The following PLD1 variants were observed in gnomAD, a reference collection of about 807,000 sequenced individuals.
PLD1 encodes choline phosphatase 1.
In PLD1, 112 loss-of-function variants were observed where a neutral mutation model predicts 137.1. The observed-to-expected ratio is 0.82, with a 90% CI of 0.70 to 0.96. The LOEUF is 0.96. PLD1 is among the 40% of genes least tolerant of loss of function. The pLI is 0.00. For synonymous variants in PLD1, 431 were observed against 454.7 expected (o/e 0.95, Z 0.66); for missense variants, 1,321 against 1,342.0 (o/e 0.98, Z 0.24).
intron 6 of PLD1, among the ~76,000 whole-genome samples, chr3:171,730,248 A>T (rs1229577023): frequency 6.6e-6 from 1 of 152,150 alleles, no homozygotes; most frequent in Non-Finnish European, 1.5e-5. Context: ...CACAACTCAG[A>T]TATTGCTATT....
chr3:171,677,168 T>C (rs1268489440), intron 17 of PLD1, among the ~76,000 whole-genome samples: 1 of 152,224 alleles, frequency 6.6e-6, no homozygotes, highest in Non-Finnish European at 1.5e-5. Flanking sequence ...TGGCAGGCAA[T>C]GCCATCTCTA....
rs544261564 is a variant in PLD1, at chr3:171,707,801, T to C, written c.1145+954A>G. On this transcript the variant is annotated intron_variant, in intron 11 of 26. Coordinates refer to ENST00000351298, the MANE Select transcript of PLD1 (RefSeq NM_002662.5). ...CAGCCCCCTACAACAAAGAATTATC[T>C]AGCCCCAAATGTCAACAGGGCAAAG... Among the ~76,000 whole-genome samples, 3 of 152,334 alleles carry C rather than the reference T, an allele frequency of 2.0e-5. No homozygotes were observed. In the East Asian group the frequency reaches 5.8e-4, roughly 29 times the overall value.
chr3:171,752,709 ATGAAT>A (rs965536142), intron 1 of PLD1, among the ~76,000 whole-genome samples: 1 of 152,248 alleles, frequency 6.6e-6, no homozygotes, highest in African/African-American at 2.4e-5. Context: ...AATGAGGGAA[ATGAAT>A]TACATAACCA....
At chr3:171,763,706 G>A (rs1463116908) in intron 1 of PLD1, among the ~76,000 whole-genome samples, 2 of 151,828 alleles carry the variant, frequency 1.3e-5, no homozygotes, top group African/African-American at 2.4e-5. Flanking sequence ...TTATTCTTGG[G>A]TGTATGTATG....
At chr3:171,608,660 G>C (rs1732402982) in intron 25 of PLD1, among the ~76,000 whole-genome samples, 1 of 152,174 alleles carries the variant, frequency 6.6e-6, no homozygotes, top group African/African-American at 2.4e-5. Context: ...CTGCAGATAA[G>C]AGAGGCGAAG....
chr3:171,795,702 C>T (rs1040179025), intron 1 of PLD1, among the ~76,000 whole-genome samples: 4 of 152,212 alleles, frequency 2.6e-5, no homozygotes, highest in Non-Finnish European at 5.9e-5. Flanking sequence ...TACTCTTACC[C>T]ATTTCTTGTG....
intron 11 of PLD1, among the ~76,000 whole-genome samples, chr3:171,704,974 C>T (rs575269619): frequency 3.3e-5 from 5 of 152,156 alleles, no homozygotes; most frequent in Non-Finnish European, 7.3e-5. Flanking sequence ...CATGTTCCCA[C>T]GAGAATCTAA....
chr3:171,764,891 GAAAGGAAGGAAGGAAGGAAGGAA>G (rs1560288685), intron 1 of PLD1, among the ~76,000 whole-genome samples: 1,135 of 24,242 alleles, frequency 0.047, 136 homozygotes, highest in Non-Finnish European at 0.064. Context: ...AAGAAAGAAA[GAAAGGAAGGAAGGAAGGAAGGAA>G]AGAAAGAAAG....
chr3:171,735,523 C>T lies in PLD1; in HGVS notation c.403G>A (p.Ala135Thr), dbSNP rs1422007880. ...EFHRELLKYK[A>T]FIRIPIPTRR... Reference sequence around the variant, plus strand: ...GTGGGAATGGGGATGCGGATAAAGGCTTTGTACTTGAGCAGCTCTCTGTGA... The same window carrying T: ...GTGGGAATGGGGATGCGGATAAAGGTTTTGTACTTGAGCAGCTCTCTGTGA... The change falls in exon 4 of 27, where the codon GCC becomes ACC. Residue 135 changes from alanine (A) to threonine (T), a missense_variant. Transcript: ENST00000351298. 6.2e-7 allele frequency: 1 copy of T among 1,613,628 alleles called. No homozygotes were observed.
chr3:171,659,161 G>T, intron 21 of PLD1, 52 bp downstream of exon 21: 1 of 1,198,952 alleles, frequency 8.3e-7, no homozygotes, highest in Non-Finnish European at 1.2e-6. Flanking sequence ...AGTCATTTTA[G>T]TAATAAATAC....
intron 22 of PLD1, among the ~76,000 whole-genome samples, chr3:171,644,426 A>G (rs1354235144): frequency 6.6e-6 from 1 of 152,234 alleles, no homozygotes; most frequent in African/African-American, 2.4e-5. Context: ...ATTTTAACAA[A>G]GATGTGGTAG....
chr3:171,611,616 A>T, intron 25 of PLD1: 1 of 518,942 alleles, frequency 1.9e-6, no homozygotes, highest in Non-Finnish European at 3.8e-6. Flanking sequence ...GATCTTCGAC[A>T]CCTGGAGTCA....
At chr3:171,763,114 A>C (rs1721520314) in intron 1 of PLD1, among the ~76,000 whole-genome samples, 2 of 152,114 alleles carry the variant, frequency 1.3e-5, no homozygotes, top group Admixed American at 6.5e-5. Flanking sequence ...CTTCTATGGC[A>C]AAGTCTCATG....
chr3:171,799,404 A>T (rs1278817141), intron 1 of PLD1, among the ~76,000 whole-genome samples: 1 of 151,478 alleles, frequency 6.6e-6, no homozygotes, highest in Non-Finnish European at 1.5e-5. Flanking sequence ...AACTAAAACT[A>T]CTTTCTAAAG....
chr3:171,781,400 G>T (rs1370744378), intron 1 of PLD1, among the ~76,000 whole-genome samples: 1 of 147,812 alleles, frequency 6.8e-6, no homozygotes, highest in Middle Eastern at 3.4e-3. Context: ...AACATAAAAA[G>T]AAAAAAAAAC....
In PLD1 at chr3:171,786,635, C is replaced by T. The variant is rs1158501660; in HGVS notation, c.-32+23764G>A. 3.3e-5 allele frequency among the ~76,000 whole-genome samples: 5 copies of T among 152,266 alleles called. No homozygotes were observed. In the South Asian group the frequency reaches 8.3e-4, roughly 25 times the overall value. ...AAACAGCATTTCAGAATTTCTTTTG[C>T]TCAAAGCAACATTACTGTTCGGGAT... On this transcript the variant is annotated intron_variant, in intron 1 of 26. Transcript: ENST00000351298.
chr3:171,605,288 G>A lies in PLD1; in HGVS notation c.3000+11C>T, dbSNP rs374115685. 3.8e-5 allele frequency: 56 copies of A among 1,456,830 alleles called. No individual in the cohort carries two copies. Among genetic ancestry groups the A allele is most frequent in the South Asian group, 2.2e-4 (19 of 87,924 alleles). 90.2% of individuals were successfully genotyped at this position (1,456,830 alleles called of 1,614,324 possible). A position where few individuals can be genotyped will look rare whatever the true frequency, so the allele number is the denominator to read the frequency against. On this transcript the variant is annotated intron_variant, in intron 26 of 26. Transcript: ENST00000351298. Reference sequence around the variant, plus strand: ...GAAAAGAAACGGAGGAGGGGAATACGTGAACTTCACCTTGTCATAAATTGT... The same window carrying A: ...GAAAAGAAACGGAGGAGGGGAATACATGAACTTCACCTTGTCATAAATTGT...
chr3:171,628,628 C>A (rs1292576499), intron 23 of PLD1, among the ~76,000 whole-genome samples: 1 of 151,624 alleles, frequency 6.6e-6, no homozygotes. Context: ...TACTGGCAAA[C>A]CGAATCCAGC....
At chr3:171,617,393 G>A (rs1015540848) in intron 24 of PLD1, among the ~76,000 whole-genome samples, 1 of 152,124 alleles carries the variant, frequency 6.6e-6, no homozygotes, top group Non-Finnish European at 1.5e-5. Flanking sequence ...GTTCTGGTTT[G>A]GCAACATCCA....
Sources: gnomAD v4.1 joint callset for allele counts (sites outside exome capture counted in the v4.1 genomes callset) on GRCh38, gnomAD v4.1.1 for gene constraint, MANE v1.5 for transcripts, NCBI Gene and HGNC (gene_info 2026-07-23, HGNC 2026-07-21) for gene names.